The following GOT2 variants were observed in gnomAD, a reference collection of about 807,000 sequenced individuals.
GOT2 encodes the protein glutamic-oxaloacetic transaminase 2.
A neutral mutation model predicts 50.0 loss-of-function variants in GOT2; 17 were observed. The ratio of observed to expected loss-of-function variants is 0.34; its 90% CI spans 0.23 to 0.51. The LOEUF (loss-of-function observed/expected upper bound fraction) is 0.51. Among genes scored for constraint, GOT2 ranks in the 20% least tolerant of loss-of-function variants. GOT2 has a pLI of 0.97. For missense variants in GOT2, 430 were observed against 559.6 expected (o/e 0.77, Z 2.34); for synonymous variants, 172 against 204.9 (o/e 0.84, Z 1.37).
chr16:58,718,187 C>G lies in GOT2; in HGVS notation c.702+9G>C, dbSNP rs752146167. 3.2e-6 allele frequency: 5 copies of G among 1,580,882 alleles called. No homozygotes were observed. The South Asian group carries it at 5.5e-5, about 17-fold the overall frequency. ...ACAGAACTGTCGCCAGTGAGTTCAT[C>G]GTCCTCACCTTCACCACTGTTGCTA... On this transcript the variant is annotated intron_variant, in intron 6 of 9. Coordinates refer to ENST00000245206, the MANE Select transcript of GOT2 (RefSeq NM_002080.4).
At chr16:58,726,783 C>T (rs1274512369) in intron 1 of GOT2, among the ~76,000 whole-genome samples, 1 of 151,648 alleles carries the variant, frequency 6.6e-6, no homozygotes, top group Non-Finnish European at 1.5e-5. Context: ...CCACTGCACC[C>T]GGCTGTGAAT....
At chr16:58,724,626 T>TGCAACCTCATGCAA (rs1456496207) in intron 1 of GOT2, among the ~76,000 whole-genome samples, 1 of 152,114 alleles carries the variant, frequency 6.6e-6, no homozygotes, top group Non-Finnish European at 1.5e-5. Flanking sequence ...CTGCAACCTC[T>TGCAACCTCATGCAA]GCCTCCCATG....
intron 1 of GOT2, among the ~76,000 whole-genome samples, chr16:58,733,098 T>TG (rs2044849107): frequency 6.6e-6 from 1 of 152,134 alleles, no homozygotes; most frequent in African/African-American, 2.4e-5. Flanking sequence ...AATACCTGCT[T>TG]GGGGGTGGTT....
intron 8 of GOT2, among the ~76,000 whole-genome samples, 159 bp from the exon 9 acceptor site, chr16:58,709,726 T>C (rs1427916126): frequency 6.6e-6 from 1 of 152,220 alleles, no homozygotes; most frequent in African/African-American, 2.4e-5. Flanking sequence ...AAGAAAGCTA[T>C]TTTATAGCAT....
At chr16:58,708,383 C>CTT (rs1233169615) in intron 9 of GOT2, 90 bp from the exon 10 acceptor site, 14 of 1,260,872 alleles carry the variant, frequency 1.1e-5, no homozygotes, top group Middle Eastern at 1.9e-4. Flanking sequence ...TACCAACGCT[C>CTT]TATTTCCTCG....
At chr16:58,725,570 C>T (rs984745606) in intron 1 of GOT2, among the ~76,000 whole-genome samples, 3 of 152,100 alleles carry the variant, frequency 2.0e-5, no homozygotes, top group Non-Finnish European at 4.4e-5. Flanking sequence ...AATTTATATA[C>T]CTTTGTTTAT....
At chr16:58,719,429 T>A (rs747346089) in intron 3 of GOT2, among the ~76,000 whole-genome samples, 174 bp from the exon 4 acceptor site, 2 of 151,904 alleles carry the variant, frequency 1.3e-5, no homozygotes, top group African/African-American at 2.4e-5. Context: ...TCCTCCTCAA[T>A]ATGAAAAAGG....
chr16:58,717,003 C>A (rs988453173), intron 6 of GOT2, among the ~76,000 whole-genome samples, 190 bp from the exon 7 acceptor site: 2 of 152,168 alleles, frequency 1.3e-5, no homozygotes, highest in African/African-American at 4.8e-5. Context: ...TCATTAGAAC[C>A]ATTTTATCTT....
intron 1 of GOT2, chr16:58,733,845 C>G (rs2044855016): frequency 2.9e-6 from 1 of 349,998 alleles, no homozygotes; most frequent in Non-Finnish European, 5.1e-6. Context: ...AATGGGAGTC[C>G]GGCAACCGCC....
chr16:58,717,235 C>T lies in GOT2; in HGVS notation c.703-422G>A, dbSNP rs571577357. Among the ~76,000 whole-genome samples, 6 of 152,128 alleles carry T rather than the reference C, an allele frequency of 3.9e-5. 1 individual carries two copies. The South Asian group carries it at 1.0e-3, about 26-fold the overall frequency. On this transcript the variant is annotated intron_variant, in intron 6 of 9. Coordinates refer to ENST00000245206, the MANE Select transcript of GOT2 (RefSeq NM_002080.4). ...TGAAAAATAGGAAGAATTAGCCAGGCAGGTGTGGCACACATGTCTGTAGTC... is the reference window on the plus strand; with the variant it reads ...TGAAAAATAGGAAGAATTAGCCAGGTAGGTGTGGCACACATGTCTGTAGTC...
intron 7 of GOT2, chr16:58,716,436 C>A (rs2044693402): frequency 3.3e-6 from 2 of 601,494 alleles, no homozygotes; most frequent in African/African-American, 1.9e-5. Flanking sequence ...TTTAGAGAAG[C>A]AGTAATCAGT....
At chr16:58,727,661 C>A (rs1022844134) in intron 1 of GOT2, among the ~76,000 whole-genome samples, 1 of 151,992 alleles carries the variant, frequency 6.6e-6, no homozygotes, top group Admixed American at 6.6e-5. Flanking sequence ...CTTATGGGAG[C>A]CCTGAGCAGA....
At chr16:58,708,359 C>T in intron 9 of GOT2, 66 bp from the exon 10 acceptor site, 1 of 1,503,160 alleles carries the variant, frequency 6.7e-7, no homozygotes, top group Admixed American at 1.8e-5. Context: ...CCTGACATGG[C>T]ACAGTAGCCA....
intron 7 of GOT2, 88 bp downstream of exon 7, chr16:58,716,575 C>CACAA: frequency 9.1e-7 from 1 of 1,101,732 alleles, no homozygotes; most frequent in African/African-American, 1.6e-5. Context: ...CACACACACA[C>CACAA]ACACACACAC....
Position 58,734,239 on chromosome 16 carries a change from A to T in GOT2, c.-11T>A, listed in dbSNP as rs2044860394. ...GTGCAGCAGGGCCATGGTGGACCGT[A>T]GGAGGGCAGTGGGCAGCCGCAGGAC... is the stretch of plus-strand genomic sequence containing the variant. On this transcript the variant is annotated 5_prime_UTR_variant, in exon 1 of 10. Coordinates refer to ENST00000245206, the MANE Select transcript of GOT2 (RefSeq NM_002080.4). 7.6e-7 allele frequency: 1 copy of T among 1,308,834 alleles called. No homozygotes were observed. Among genetic ancestry groups the T allele is most frequent in the African/African-American group, 1.5e-5 (1 of 66,178 alleles). 81.1% of individuals were successfully genotyped at this position (1,308,834 alleles called of 1,614,324 possible).
intron 1 of GOT2, among the ~76,000 whole-genome samples, chr16:58,724,937 C>A (rs1427283818): frequency 6.6e-6 from 1 of 152,160 alleles, no homozygotes; most frequent in Non-Finnish European, 1.5e-5. Flanking sequence ...TGCTTAGTTG[C>A]ATGTCTCCAT....
At chr16:58,714,754 C>G (rs2044678497) in intron 8 of GOT2, among the ~76,000 whole-genome samples, 1 of 151,920 alleles carries the variant, frequency 6.6e-6, no homozygotes, top group Non-Finnish European at 1.5e-5. Context: ...GAGTAAAGCA[C>G]ATGAAGCCTT....
At chr16:58,732,081 A>AGC (rs2044838781) in intron 1 of GOT2, among the ~76,000 whole-genome samples, 1 of 152,238 alleles carries the variant, frequency 6.6e-6, no homozygotes, top group African/African-American at 2.4e-5. Context: ...CTATAATCCC[A>AGC]GCGCTTTGCG....
At chr16:58,717,917 C>T (rs565368629) in intron 6 of GOT2, among the ~76,000 whole-genome samples, 2 of 152,276 alleles carry the variant, frequency 1.3e-5, no homozygotes, top group South Asian at 4.1e-4. Context: ...CTCGAACTGA[C>T]CTCAGGTGAT....
Sources: allele counts gnomAD v4.1 joint callset (sites outside exome capture counted in the v4.1 genomes callset), GRCh38; gene constraint gnomAD v4.1.1; transcripts MANE v1.5; gene names NCBI Gene and HGNC (gene_info 2026-07-23, HGNC 2026-07-21).